ARHGAP6: variants seen among roughly 807,000 people sequenced by gnomAD.
The protein encoded by ARHGAP6 is Rho GTPase activating protein 6, also known as rho GTPase-activating protein 6.
Under a neutral mutation model 55.7 loss-of-function variants are expected in ARHGAP6, and 16 were observed. That is an observed-to-expected ratio of 0.29 (90% CI 0.19 to 0.44). ARHGAP6 has a LOEUF of 0.44. Among genes scored for constraint, ARHGAP6 ranks in the 20% least tolerant of loss-of-function variants. The probability of loss-of-function intolerance (pLI) is 1.00; values close to 1 mark genes in which losing one functional copy is unlikely to be tolerated. For synonymous variants in ARHGAP6, 382 were observed against 360.9 expected, an observed-to-expected ratio of 1.06 and a Z score of -0.66; for missense variants, 698 against 808.9, an observed-to-expected ratio of 0.86 and a Z score of 1.66.
intron 10 of ARHGAP6, among the ~76,000 whole-genome samples, chrX:11,146,136 G>A (rs186579711): frequency 7.1e-5 from 8 of 112,384 alleles, no homozygotes; most frequent in Non-Finnish European, 5.6e-5. Context: ...CATCCCAGCC[G>A]ATTCCTGGAC....
chrX:11,639,820 C>T (rs2052455798), intron 1 of ARHGAP6, among the ~76,000 whole-genome samples: 1 of 110,800 alleles, frequency 9.0e-6, no homozygotes, highest in Non-Finnish European at 1.9e-5. Flanking sequence ...CACCAACCTG[C>T]TCCTGACCCC....
intron 10 of ARHGAP6, among the ~76,000 whole-genome samples, chrX:11,151,438 A>G (rs2045775781): frequency 9.2e-6 from 1 of 109,272 alleles, no homozygotes; most frequent in Non-Finnish European, 1.9e-5. Context: ...ATAACTTTTA[A>G]ATTTTTCTTT....
chrX:11,196,170 C>T (rs919968273), intron 3 of ARHGAP6, among the ~76,000 whole-genome samples: 3 of 108,830 alleles, frequency 2.8e-5, no homozygotes, highest in Non-Finnish European at 5.7e-5. Context: ...CAAAACAAAA[C>T]AAAACAAAAA....
intron 10 of ARHGAP6, among the ~76,000 whole-genome samples, chrX:11,146,156 C>G (rs144445790): frequency 1.2e-3 from 132 of 112,481 alleles, no homozygotes; most frequent in African/African-American, 4.0e-3. Flanking sequence ...CCTCCTCTGT[C>G]TGCCTTAAGC....
chrX:11,637,534 T>G (rs2052431621), intron 1 of ARHGAP6, among the ~76,000 whole-genome samples: 1 of 111,284 alleles, frequency 9.0e-6, no homozygotes, highest in Non-Finnish European at 1.9e-5. Context: ...ACCTAATTAT[T>G]TGCACTCCTA....
chrX:11,518,736 A>C, intron 1 of ARHGAP6, among the ~76,000 whole-genome samples: 2 of 99,206 alleles, frequency 2.0e-5, no homozygotes, highest in African/African-American at 3.8e-5. Context: ...TGCACCCACT[A>C]ACTTTTCATC....
intron 1 of ARHGAP6, among the ~76,000 whole-genome samples, chrX:11,614,466 A>C (rs904480202): frequency 9.0e-6 from 1 of 111,391 alleles, no homozygotes; most frequent in African/African-American, 3.3e-5. Flanking sequence ...CAAGGGGGGA[A>C]CTGCTACACA....
intron 1 of ARHGAP6, among the ~76,000 whole-genome samples, chrX:11,517,329 G>A (rs1473499313): frequency 1.8e-5 from 2 of 111,673 alleles, no homozygotes; most frequent in Admixed American, 9.6e-5. Flanking sequence ...TAAACATCAG[G>A]GGGCAGCGTA....
chrX:11,347,216 T>C (rs1456464728), intron 1 of ARHGAP6, among the ~76,000 whole-genome samples: 2 of 112,379 alleles, frequency 1.8e-5, no homozygotes, highest in South Asian at 3.7e-4. Flanking sequence ...AGAAAAGTAA[T>C]CTTTTCTTTC....
At chrX:11,514,512 C>T (rs1458685536) in intron 1 of ARHGAP6, among the ~76,000 whole-genome samples, 1 of 109,863 alleles carries the variant, frequency 9.1e-6, no homozygotes. Context: ...CCCCACCGTT[C>T]CCAACACCCT....
At chrX:11,419,969 T>A in intron 1 of ARHGAP6, among the ~76,000 whole-genome samples, 1 of 112,318 alleles carries the variant, frequency 8.9e-6, no homozygotes, top group East Asian at 2.8e-4. Flanking sequence ...TTTTTTTTTA[T>A]GTTAGAAAAG....
intron 1 of ARHGAP6, among the ~76,000 whole-genome samples, chrX:11,525,864 A>T (rs1369504411): frequency 9.0e-6 from 1 of 111,287 alleles, no homozygotes; most frequent in Non-Finnish European, 1.9e-5. Context: ...GTTAGTAACC[A>T]CATGGGCCCC....
chrX:11,201,439 T>C (rs1198141897), intron 2 of ARHGAP6, among the ~76,000 whole-genome samples: 2 of 112,153 alleles, frequency 1.8e-5, no homozygotes, highest in South Asian at 7.5e-4. Flanking sequence ...ATAAGGAGAC[T>C]GAGATTAGGA....
At chrX:11,500,365 C>T (rs2050663985) in intron 1 of ARHGAP6, among the ~76,000 whole-genome samples, 1 of 108,718 alleles carries the variant, frequency 9.2e-6, no homozygotes, top group Non-Finnish European at 1.9e-5. Context: ...ACTTAAGTTT[C>T]GGAAGCAAAG....
chrX:11,522,936 C>G (rs976926728), intron 1 of ARHGAP6, among the ~76,000 whole-genome samples: 2 of 110,855 alleles, frequency 1.8e-5, no homozygotes, highest in African/African-American at 3.3e-5. Context: ...CAACAAAAAA[C>G]AGAATTTTAG....
In ARHGAP6 at chrX:11,139,512, A is replaced by G; in HGVS notation, c.2276T>C (p.Phe759Ser). 8.8e-7 allele frequency: 1 copy of G among 1,141,645 alleles called. No individual in the cohort carries two copies. The highest frequency in any genetic ancestry group is 1.2e-6 in the Non-Finnish European group (1 of 864,193). The allele number at this position is 1,141,645 out of a possible 1,213,427, so 94.1% of individuals were successfully genotyped here. Residue 759 changes from phenylalanine (F) to serine (S), a missense_variant, in exon 13 of 13, where the codon TTT (phenylalanine) becomes TCT (serine). Transcript: ENST00000337414. Reference sequence around the variant, plus strand: ...CCCCGCTCTTAGGGAGCTGCTTTCAAAAATGTCTCCAGAGGAACCTGGAAG... The same window carrying G: ...CCCCGCTCTTAGGGAGCTGCTTTCAGAAATGTCTCCAGAGGAACCTGGAAG... ...PGMTGSSGDI[F>S]ESSSLRAGPC... is the part of the protein sequence containing the mutation.
At chrX:11,518,462 CT>C (rs368595944) in intron 1 of ARHGAP6, among the ~76,000 whole-genome samples, 2,483 of 74,785 alleles carry the variant, frequency 0.033, 78 homozygotes, top group African/African-American at 0.12. Flanking sequence ...TTTTTTTTTT[CT>C]TTTTTTTTTT....
intron 1 of ARHGAP6, among the ~76,000 whole-genome samples, chrX:11,266,236 G>T: frequency 9.0e-6 from 1 of 110,876 alleles, no homozygotes; most frequent in East Asian, 2.8e-4. Context: ...ATCTACAAAC[G>T]GTAATTGGAT....
rs148733869 is a variant in ARHGAP6 at position 11,290,741 on chromosome X, G to A, written c.589-36034C>T. On this transcript the variant is annotated intron_variant, in intron 1 of 12. Transcript: ENST00000337414. Reference sequence around the variant, plus strand: ...TATCCAAAGGCCACCCTCATACCCCGAGTGCTGTTGAAACCCAGGCAGTAA... The same window carrying A: ...TATCCAAAGGCCACCCTCATACCCCAAGTGCTGTTGAAACCCAGGCAGTAA... Among the ~76,000 whole-genome samples, 984 of 111,361 alleles carry A rather than the reference G, an allele frequency of 8.8e-3. 17 individuals carry two copies. The highest frequency in any genetic ancestry group is 0.03 in the African/African-American group (923 of 30,556).
Sources: gnomAD v4.1 joint callset for allele counts (sites outside exome capture counted in the v4.1 genomes callset) on GRCh38, gnomAD v4.1.1 for gene constraint, MANE v1.5 for transcripts, NCBI Gene and HGNC (gene_info 2026-07-23, HGNC 2026-07-21) for gene names.